Variants in CRYZL1 observed in about 807,000 individuals in gnomAD.
The protein encoded by CRYZL1 is crystallin zeta like 1, also known as ferry endosomal RAB5 effector complex subunit 4.
A neutral mutation model predicts 50.6 loss-of-function variants in CRYZL1; 34 were observed. That is an observed-to-expected ratio of 0.67 (90% CI 0.51 to 0.89). The LOEUF is 0.89. Ranked by LOEUF, CRYZL1 falls within the 40% of genes least tolerant of loss-of-function variation. CRYZL1 has a pLI of 0.00. For synonymous variants in CRYZL1, 125 were observed against 134.3 expected, an observed-to-expected ratio of 0.93 and a Z score of 0.48; for missense variants, 354 against 402.3, an observed-to-expected ratio of 0.88 and a Z score of 1.03.
At chr21:33,624,223 C>T (rs1272099011) in intron 3 of CRYZL1, among the ~76,000 whole-genome samples, 3 of 152,016 alleles carry the variant, frequency 2.0e-5, no homozygotes, top group South Asian at 2.1e-4. Context: ...TACAAAAGCA[C>T]ACTAAATTTT....
chr21:33,599,343 T>G (rs929655428), intron 8 of CRYZL1, 95 bp from the exon 9 acceptor site: 5 of 1,502,350 alleles, frequency 3.3e-6, no homozygotes, highest in Non-Finnish European at 4.6e-6. Flanking sequence ...AATAAATATC[T>G]ATTCTTGAAA....
At position 33,589,852 on chromosome 21, in the gene CRYZL1, T is replaced by C. The variant is rs2086623965; in HGVS notation, c.1020A>G (p.Gln340=). 6.2e-7 allele frequency: 1 copy of C among 1,613,024 alleles called. No individual in the cohort carries two copies. The highest frequency in any genetic ancestry group is 2.2e-5 in the East Asian group (1 of 44,844). The stretch of plus-strand genomic sequence containing the variant: ...ATTGAACAACTTGCTTTTTTCTTCC[T>C]TGATTTTTCTGAACAGCTTCCATGG... ...KVSMEAVQKN[Q]GRKKQVVQF The change falls in exon 13 of 13, where the codon CAA becomes CAG. Residue 340 remains glutamine, a synonymous_variant. Coordinates refer to ENST00000381554, the MANE Select transcript of CRYZL1 (RefSeq NM_145858.3).
chr21:33,639,282 A>G (rs1397509166), intron 1 of CRYZL1, among the ~76,000 whole-genome samples: 2 of 152,224 alleles, frequency 1.3e-5, no homozygotes, highest in Non-Finnish European at 2.9e-5. Context: ...CATTATCCCA[A>G]AGATCTGAAA....
chr21:33,589,397 A>G lies in CRYZL1; in HGVS notation c.*425T>C, dbSNP rs2145911111. ...CTTCAAAATATACTCAAATGCTTAA[A>G]TTATGACAGCAAAGACTTAAGGAAG... On this transcript the variant is annotated 3_prime_UTR_variant, in exon 13 of 13. Transcript: ENST00000381554. 1 of 213,630 alleles carries G rather than the reference A, an allele frequency of 4.7e-6. No individual in the cohort carries two copies. Among genetic ancestry groups the G allele is most frequent in the East Asian group, 1.1e-4 (1 of 9,300 alleles). 13.2% of individuals were successfully genotyped at this position (213,630 alleles called of 1,614,324 possible).
At chr21:33,609,733 C>T (rs907641775) in intron 6 of CRYZL1, among the ~76,000 whole-genome samples, 2 of 151,720 alleles carry the variant, frequency 1.3e-5, no homozygotes, top group Non-Finnish European at 2.9e-5. Flanking sequence ...CTCGCTCTAT[C>T]GCTCTGTTGC....
At chr21:33,606,380 C>G (rs985667911) in intron 6 of CRYZL1, among the ~76,000 whole-genome samples, 1 of 152,264 alleles carries the variant, frequency 6.6e-6, no homozygotes, top group African/African-American at 2.4e-5. Flanking sequence ...AATCCCAGCA[C>G]TTTGGGAGGC....
At chr21:33,627,739 GTTTTTTTT>G (rs35217060) in intron 2 of CRYZL1, among the ~76,000 whole-genome samples, 1 of 84,362 alleles carries the variant, frequency 1.2e-5, no homozygotes. Context: ...ATGAGACATG[GTTTTTTTT>G]TTTTTTTTTT....
intron 4 of CRYZL1, among the ~76,000 whole-genome samples, chr21:33,621,147 C>T (rs1336059185): frequency 1.1e-3 from 170 of 149,334 alleles, no homozygotes; most frequent in Middle Eastern, 0.01. Flanking sequence ...CCTCGTGATC[C>T]GCCCGCCTCG....
At chr21:33,595,902 C>G in intron 10 of CRYZL1, 66 bp from the exon 11 acceptor site, 1 of 1,070,426 alleles carries the variant, frequency 9.3e-7, no homozygotes, top group Non-Finnish European at 1.4e-6. Flanking sequence ...ACTGGTATCT[C>G]GAGTCAGAAA....
chr21:33,600,933 G>GTTTTTTT (rs764185960), intron 8 of CRYZL1, among the ~76,000 whole-genome samples: 8,078 of 59,428 alleles, frequency 0.14, 2,537 homozygotes, highest in East Asian at 0.23. Context: ...GGTCCATAAA[G>GTTTTTTT]TTTTTTTTTT....
intron 4 of CRYZL1, 75 bp downstream of exon 4, chr21:33,621,921 C>A: frequency 1.1e-6 from 1 of 896,264 alleles, no homozygotes; most frequent in South Asian, 1.7e-5. Flanking sequence ...TTTTATGTAC[C>A]AGTAAACCAA....
At chr21:33,612,340 G>A (rs2086880879) in intron 6 of CRYZL1, among the ~76,000 whole-genome samples, 4 of 150,532 alleles carry the variant, frequency 2.7e-5, no homozygotes. Context: ...AGGCTGGAGT[G>A]CAGTGGTGCC....
At chr21:33,596,660 AT>A (rs963993012) in intron 10 of CRYZL1, among the ~76,000 whole-genome samples, 47 of 152,114 alleles carry the variant, frequency 3.1e-4, no homozygotes, top group Non-Finnish European at 5.3e-4. Context: ...AAATAAAAAA[AT>A]AAAATAAAAT....
At chr21:33,624,870 T>G (rs1376755011) in intron 2 of CRYZL1, 110 bp from the exon 3 acceptor site, 2 of 1,370,584 alleles carry the variant, frequency 1.5e-6, no homozygotes, top group Admixed American at 3.2e-5. Flanking sequence ...AGACAGACCC[T>G]AAATCTCACA....
chr21:33,613,026 A>G (rs947843622), intron 6 of CRYZL1, among the ~76,000 whole-genome samples: 11 of 152,040 alleles, frequency 7.2e-5, no homozygotes, highest in African/African-American at 1.9e-4. Context: ...AGGTTTTGCT[A>G]TGTTGGCCTG....
At chr21:33,634,103 T>C (rs1466645703) in intron 1 of CRYZL1, among the ~76,000 whole-genome samples, 1 of 152,238 alleles carries the variant, frequency 6.6e-6, no homozygotes, top group Non-Finnish European at 1.5e-5. Flanking sequence ...CAATGAAGTA[T>C]ATAAAAGCAG....
In CRYZL1 at chr21:33,589,588, T is replaced by C. The variant is rs543916907; in HGVS notation, c.*234A>G. On this transcript the variant is annotated 3_prime_UTR_variant, in exon 13 of 13. Transcript: ENST00000381554. ...AAAATATATAGAAACAATGAAAAGG[T>C]TTTTAGAAAAATTCCCTTAAGATGT... The C allele has an allele frequency of 3.9e-4, 199 of 506,630 alleles. 1 individual carries two copies. In the South Asian group the frequency reaches 6.3e-3, roughly 16 times the overall value. The allele number at this position is 506,630 out of a possible 1,614,324, so 31.4% of individuals were successfully genotyped here. A position where few individuals can be genotyped will look rare whatever the true frequency, so the allele number is the denominator to read the frequency against.
intron 4 of CRYZL1, among the ~76,000 whole-genome samples, chr21:33,621,184 C>T (rs143923760): frequency 4.3e-4 from 65 of 150,224 alleles, no homozygotes; most frequent in African/African-American, 1.3e-3. Flanking sequence ...GGATTACAGG[C>T]GTGAGCCACC....
At chr21:33,599,477 A>C (rs2086728655) in intron 8 of CRYZL1, among the ~76,000 whole-genome samples, 1 of 152,250 alleles carries the variant, frequency 6.6e-6, no homozygotes, top group Non-Finnish European at 1.5e-5. Flanking sequence ...ATATTTAATA[A>C]AACTAAAATG....
Sources: gnomAD v4.1 joint callset for allele counts (sites outside exome capture counted in the v4.1 genomes callset) on GRCh38, gnomAD v4.1.1 for gene constraint, MANE v1.5 for transcripts, NCBI Gene and HGNC (gene_info 2026-07-23, HGNC 2026-07-21) for gene names.